Variants in ADGRB3 observed in about 807,000 individuals in gnomAD.
ADGRB3 encodes brain-specific angiogenesis inhibitor 3.
A neutral mutation model predicts 193.4 loss-of-function variants in ADGRB3; 37 were observed. That is an observed-to-expected ratio of 0.19 (90% confidence interval 0.15 to 0.25). The LOEUF is 0.25. Ranked by LOEUF, ADGRB3 falls within the 10% of genes least tolerant of loss-of-function variation. ADGRB3 has a pLI of 1.00. For missense variants in ADGRB3, 1,637 were observed against 1,852.9 expected, an observed-to-expected ratio of 0.88 and a Z score of 2.14; for synonymous variants, 690 against 644.2, an observed-to-expected ratio of 1.07 and a Z score of -1.08.
chr6:69,370,329 A>C (rs1367678277), intron 29 of ADGRB3, among the ~76,000 whole-genome samples: 1 of 152,132 alleles, frequency 6.6e-6, no homozygotes, highest in Non-Finnish European at 1.5e-5. Flanking sequence ...CACATTTTTA[A>C]CTCACTTGGA....
chr6:69,203,791 G>C lies in ADGRB3; in HGVS notation c.2481-29499G>C, dbSNP rs1446633773. On this transcript the variant is annotated intron_variant, in intron 17 of 31. Transcript: ENST00000370598. ...TTGCCAAAGACCAGGAAATTCTTTT[G>C]AATCTCATGGTTTAATTGATTTCAA... Among the ~76,000 whole-genome samples, 4 of 152,052 alleles carry C rather than the reference G, an allele frequency of 2.6e-5. 1 individual carries two copies. In the South Asian group the frequency reaches 8.3e-4, roughly 32 times the overall value.
chr6:69,106,131 C>T (rs1662297450), intron 17 of ADGRB3, among the ~76,000 whole-genome samples: 1 of 122,994 alleles, frequency 8.1e-6, no homozygotes, highest in Non-Finnish European at 1.6e-5. Context: ...TGCACTCCAG[C>T]CTGGGCAACA....
At chr6:69,327,525 A>G (rs910770073) in intron 21 of ADGRB3, among the ~76,000 whole-genome samples, 7 of 152,106 alleles carry the variant, frequency 4.6e-5, no homozygotes, top group Admixed American at 6.5e-5. Flanking sequence ...ACCCCTAGGG[A>G]AAAAAATAAC....
At chr6:69,352,932 A>G (rs1381560462) in intron 26 of ADGRB3, among the ~76,000 whole-genome samples, 2 of 152,248 alleles carry the variant, frequency 1.3e-5, no homozygotes, top group African/African-American at 4.8e-5. Context: ...TAGGGAAAAC[A>G]TCATCTATGA....
rs1336667564 is a variant in ADGRB3 at position 68,875,115 on chromosome 6, T to C, written c.758-55444T>C. On this transcript the variant is annotated intron_variant, in intron 3 of 31. Transcript: ENST00000370598. ...TCTTTCTCCTTCCTTCCTTCCTTCC[T>C]TTCTTTCCTTCTTTCTTTCTTCTTT... 3.4e-4 allele frequency among the ~76,000 whole-genome samples: 37 copies of C among 108,780 alleles called. 1 individual carries two copies. Among genetic ancestry groups the C allele is most frequent in the African/African-American group, 8.8e-4 (28 of 31,834 alleles). 71.4% of individuals were successfully genotyped at this position (108,780 alleles called of 152,430 possible).
intron 17 of ADGRB3, among the ~76,000 whole-genome samples, chr6:69,227,552 A>G (rs1561959110): frequency 6.6e-6 from 1 of 152,190 alleles, no homozygotes; most frequent in Non-Finnish European, 1.5e-5. Context: ...GAAGGGTAGG[A>G]CTGACAACAT....
intron 17 of ADGRB3, among the ~76,000 whole-genome samples, chr6:69,222,383 A>G (rs1318856049): frequency 1.3e-5 from 2 of 152,182 alleles, no homozygotes; most frequent in Non-Finnish European, 2.9e-5. Context: ...TATTCCTATA[A>G]AGTGGATAGA....
chr6:68,702,208 A>G (rs79768515), intron 3 of ADGRB3, among the ~76,000 whole-genome samples: 1 of 149,152 alleles, frequency 6.7e-6, no homozygotes, highest in African/African-American at 2.5e-5. Context: ...AGGAGCGAGA[A>G]AGAGAGAGAG....
chr6:68,942,417 G>A (rs983474372), intron 5 of ADGRB3, among the ~76,000 whole-genome samples: 1 of 151,958 alleles, frequency 6.6e-6, no homozygotes, highest in African/African-American at 2.4e-5. Context: ...CAAACATCTG[G>A]CCTTTTGAAC....
chr6:68,656,997 T>G (rs1371786443), intron 3 of ADGRB3, among the ~76,000 whole-genome samples: 2 of 151,534 alleles, frequency 1.3e-5, no homozygotes, highest in Non-Finnish European at 3.0e-5. Context: ...AAACGTTGTT[T>G]TAGGCTGCCC....
At chr6:69,032,583 C>A (rs1452287784) in intron 13 of ADGRB3, among the ~76,000 whole-genome samples, 2 of 152,140 alleles carry the variant, frequency 1.3e-5, no homozygotes, top group Non-Finnish European at 2.9e-5. Flanking sequence ...AATTTTCATT[C>A]TTTTTCTATT....
At chr6:68,670,638 A>G (rs1197416046) in intron 3 of ADGRB3, among the ~76,000 whole-genome samples, 1 of 152,006 alleles carries the variant, frequency 6.6e-6, no homozygotes, top group East Asian at 1.9e-4. Context: ...TTATGCCAGT[A>G]CCATGCTGTT....
chr6:68,661,292 AAT>A (rs199564831), intron 3 of ADGRB3, among the ~76,000 whole-genome samples: 91 of 139,048 alleles, frequency 6.5e-4, no homozygotes, highest in African/African-American at 2.2e-3. Flanking sequence ...AGGTGGCCAA[AAT>A]ATATATATAT....
chr6:69,171,952 T>C (rs1775281891), intron 17 of ADGRB3, among the ~76,000 whole-genome samples: 1 of 152,192 alleles, frequency 6.6e-6, no homozygotes, highest in Non-Finnish European at 1.5e-5. Flanking sequence ...ATGTGACTAC[T>C]TCTAGCCAGT....
intron 20 of ADGRB3, among the ~76,000 whole-genome samples, chr6:69,274,475 T>TCCTTCCTTCCTTCCTTCCTTCCTTCCCC (rs1057078353): frequency 8.6e-6 from 1 of 115,920 alleles, no homozygotes; most frequent in Non-Finnish European, 1.7e-5. Flanking sequence ...CTTCCTTCCT[T>TCCTTCCTTCCTTCCTTCCTTCCTTCCCC]CCTCCCTCCC....
intron 3 of ADGRB3, among the ~76,000 whole-genome samples, chr6:68,735,016 GT>G (rs1388379311): frequency 6.6e-6 from 1 of 151,924 alleles, no homozygotes; most frequent in Non-Finnish European, 1.5e-5. Context: ...TGGAATACTA[GT>G]GCAAAGATTG....
intron 3 of ADGRB3, among the ~76,000 whole-genome samples, chr6:68,665,830 C>A (rs899612597): frequency 2.0e-5 from 3 of 151,660 alleles, no homozygotes; most frequent in African/African-American, 7.3e-5. Flanking sequence ...TATTCATGTA[C>A]AGAGCTCTTA....
intron 17 of ADGRB3, among the ~76,000 whole-genome samples, chr6:69,177,417 C>T (rs759738174): frequency 9.9e-5 from 15 of 151,722 alleles, no homozygotes; most frequent in South Asian, 4.1e-4. Context: ...AGTGCAGTGG[C>T]GCCGTCTCGG....
chr6:69,109,354 T>C (rs939280560), intron 17 of ADGRB3, among the ~76,000 whole-genome samples: 2 of 152,202 alleles, frequency 1.3e-5, no homozygotes, highest in African/African-American at 2.4e-5. Context: ...ATGAGGGGCA[T>C]AATATCAATA....
Sources: gnomAD v4.1 joint callset for allele counts (sites outside exome capture counted in the v4.1 genomes callset) on GRCh38, gnomAD v4.1.1 for gene constraint, MANE v1.5 for transcripts, NCBI Gene and HGNC (gene_info 2026-07-23, HGNC 2026-07-21) for gene names.